The following OSBP2 variants were observed in gnomAD, a reference collection of about 807,000 sequenced individuals.
OSBP2 encodes oxysterol-binding protein 2.
OSBP2 carries 66 observed loss-of-function variants against 96.0 expected under a neutral mutation model. The observed-to-expected ratio is 0.69, with a 90% confidence interval of 0.56 to 0.84. The LOEUF (loss-of-function observed/expected upper bound fraction) is 0.84. Ranked by LOEUF, OSBP2 falls within the 40% of genes least tolerant of loss-of-function variation. The probability of loss-of-function intolerance (pLI) is 0.00; values close to 1 mark genes in which losing one functional copy is unlikely to be tolerated. For synonymous variants in OSBP2, 525 were observed against 520.9 expected (o/e 1.01, Z -0.11); for missense variants, 1,038 against 1,222.7 (o/e 0.85, Z 2.25).
At chr22:30,732,766 C>T (rs1174799870) in intron 1 of OSBP2, among the ~76,000 whole-genome samples, 1 of 152,218 alleles carries the variant, frequency 6.6e-6, no homozygotes, top group Non-Finnish European at 1.5e-5. Context: ...TCCTGGAGGA[C>T]AGAGGCTCAA....
intron 3 of OSBP2, among the ~76,000 whole-genome samples, chr22:30,885,914 C>G (rs775627813): frequency 7.2e-5 from 11 of 152,198 alleles, no homozygotes; most frequent in Admixed American, 1.3e-4. Flanking sequence ...GCTGGGCGGG[C>G]TCTGAGAAGG....
At chr22:30,822,607 T>C (rs2038300842) in intron 2 of OSBP2, 2 of 1,526,170 alleles carry the variant, frequency 1.3e-6, no homozygotes, top group Non-Finnish European at 1.8e-6. Context: ...GCCCCGCCGA[T>C]TGGAGGCTGC....
intron 6 of OSBP2, 119 bp downstream of exon 6, chr22:30,889,353 C>CACCA: frequency 7.1e-7 from 1 of 1,402,740 alleles, no homozygotes; most frequent in Non-Finnish European, 1.0e-6. Context: ...AGTCCAGGAG[C>CACCA]ACCATCCTGG....
intron 2 of OSBP2, among the ~76,000 whole-genome samples, chr22:30,861,343 G>A (rs1342101139): frequency 6.6e-6 from 1 of 152,294 alleles, no homozygotes; most frequent in South Asian, 2.1e-4. Context: ...TCCCTGGTAG[G>A]GCGGAAGCCC....
intron 7 of OSBP2, 128 bp downstream of exon 7, chr22:30,889,764 G>A (rs914435368): frequency 1.2e-6 from 1 of 819,614 alleles, no homozygotes; most frequent in Non-Finnish European, 2.0e-6. Context: ...GGCACCTGAG[G>A]AGCATGTAAC....
intron 2 of OSBP2, among the ~76,000 whole-genome samples, chr22:30,832,375 C>T (rs5753340): frequency 0.15 from 23,100 of 151,402 alleles, 2,078 homozygotes; most frequent in East Asian, 0.25. Flanking sequence ...ACTGCAGCCT[C>T]GACCTCCCCA....
At chr22:30,768,788 A>G (rs768320328) in intron 2 of OSBP2, among the ~76,000 whole-genome samples, 1 of 152,256 alleles carries the variant, frequency 6.6e-6, no homozygotes, top group Non-Finnish European at 1.5e-5. Flanking sequence ...TTCCTTTGTA[A>G]CTAGAGGGCA....
At position 30,778,169 on chromosome 22, in the gene OSBP2, C is replaced by CTTTTTTTTTTTTTTTTTTT. The variant is rs1569119423; in HGVS notation, c.853+36800_853+36801insTTTTTTTTTTTTTTTTTTT. On this transcript the variant is annotated intron_variant, in intron 2 of 13. Transcript: ENST00000332585. ...ACCAGCATGCCCGGCTAATTTTTGC[C>CTTTTTTTTTTTTTTTTTTT]CTTTTTTTTTTTTTTTTTTTTAGTA... is the stretch of plus-strand genomic sequence containing the variant. 4.0e-5 allele frequency among the ~76,000 whole-genome samples: 5 copies of CTTTTTTTTTTTTTTTTTTT among 124,182 alleles called. 1 individual carries two copies. The highest frequency in any genetic ancestry group is 6.7e-5 in the Non-Finnish European group (4 of 59,942). The allele number at this position is 124,182 out of a possible 152,430, so 81.5% of individuals were successfully genotyped here. A position where few individuals can be genotyped will look rare whatever the true frequency, so the allele number is the denominator to read the frequency against.
At chr22:30,869,833 T>C (rs1018081479) in intron 2 of OSBP2, among the ~76,000 whole-genome samples, 1 of 152,000 alleles carries the variant, frequency 6.6e-6, no homozygotes, top group African/African-American at 2.4e-5. Context: ...TGGGGGCAGA[T>C]ATGAGAAGGT....
chr22:30,889,014 C>G (rs1226060106), intron 5 of OSBP2, among the ~76,000 whole-genome samples, 163 bp from the exon 6 acceptor site: 1 of 152,194 alleles, frequency 6.6e-6, no homozygotes, highest in Non-Finnish European at 1.5e-5. Context: ...ACTATCCACC[C>G]TTGAAATGTT....
At chr22:30,748,209 G>T (rs1384499460) in intron 2 of OSBP2, among the ~76,000 whole-genome samples, 1 of 142,764 alleles carries the variant, frequency 7.0e-6, no homozygotes, top group African/African-American at 2.6e-5. Flanking sequence ...TTAAGATGGA[G>T]TCCACTCTGT....
intron 12 of OSBP2, among the ~76,000 whole-genome samples, chr22:30,901,510 CAAT>C (rs1211731647): frequency 1.3e-5 from 2 of 152,232 alleles, no homozygotes; most frequent in Non-Finnish European, 2.9e-5. Flanking sequence ...TGTAGAGCTA[CAAT>C]ATCTCTGATA....
intron 1 of OSBP2, among the ~76,000 whole-genome samples, chr22:30,720,325 T>A (rs937875347): frequency 6.6e-6 from 1 of 152,198 alleles, no homozygotes; most frequent in Non-Finnish European, 1.5e-5. Context: ...TCATGAGGGC[T>A]GCGGTCATTT....
intron 2 of OSBP2, chr22:30,822,455 G>C: frequency 3.3e-6 from 4 of 1,208,886 alleles, no homozygotes; most frequent in Non-Finnish European, 3.2e-6. Context: ...GGGTTAACGC[G>C]CTCATGTACC....
intron 2 of OSBP2, among the ~76,000 whole-genome samples, chr22:30,819,431 T>C (rs2091121239): frequency 6.6e-6 from 1 of 152,178 alleles, no homozygotes; most frequent in Admixed American, 6.5e-5. Context: ...GTGACAGGAC[T>C]CAGGGCAGCC....
At chr22:30,897,094 A>G (rs1195366136) in intron 12 of OSBP2, among the ~76,000 whole-genome samples, 1 of 152,272 alleles carries the variant, frequency 6.6e-6, no homozygotes, top group Admixed American at 6.5e-5. Flanking sequence ...GGTAAAATAG[A>G]CTTTAGGACA....
intron 2 of OSBP2, among the ~76,000 whole-genome samples, chr22:30,823,156 G>A (rs2038318929): frequency 6.6e-6 from 1 of 152,152 alleles, no homozygotes; most frequent in East Asian, 1.9e-4. Context: ...GCTTTGCTCA[G>A]TGTGTGATTC....
At chr22:30,767,050 A>G (rs2090281248) in intron 2 of OSBP2, among the ~76,000 whole-genome samples, 2 of 146,428 alleles carry the variant, frequency 1.4e-5, no homozygotes, top group Admixed American at 6.9e-5. Flanking sequence ...CTACAAAAAA[A>G]GCTCTGGGAT....
chr22:30,697,247 T>G (rs2089059094), intron 1 of OSBP2, among the ~76,000 whole-genome samples: 1 of 152,208 alleles, frequency 6.6e-6, no homozygotes, highest in Non-Finnish European at 1.5e-5. Flanking sequence ...ATCATGCTTT[T>G]GGGTTTTAAT....
Sources: allele counts gnomAD v4.1 joint callset (sites outside exome capture counted in the v4.1 genomes callset), GRCh38; gene constraint gnomAD v4.1.1; transcripts MANE v1.5; gene names NCBI Gene and HGNC (gene_info 2026-07-23, HGNC 2026-07-21).